The following PDZRN3 variants were observed in gnomAD, a reference collection of about 807,000 sequenced individuals.
The protein encoded by PDZRN3 is E3 ubiquitin-protein ligase PDZRN3.
A neutral mutation model predicts 85.7 loss-of-function variants in PDZRN3; 38 were observed. The observed-to-expected ratio is 0.44, with a 90% CI of 0.34 to 0.58. PDZRN3 has a LOEUF of 0.58. Among genes scored for constraint, PDZRN3 ranks in the 20% least tolerant of loss-of-function variants. The pLI is 0.01. For missense variants in PDZRN3, 1,629 were observed against 1,506.4 expected (o/e 1.08, Z -1.35); for synonymous variants, 759 against 638.0 (o/e 1.19, Z -2.86).
chr3:73,620,572 G>GT (rs1477092912), intron 1 of PDZRN3, among the ~76,000 whole-genome samples: 4 of 88,470 alleles, frequency 4.5e-5, no homozygotes, highest in East Asian at 4.2e-4. Context: ...GGCAGTCTGG[G>GT]TTTTTTTTGT....
At chr3:73,592,253 C>A (rs1012109821) in intron 3 of PDZRN3, among the ~76,000 whole-genome samples, 3 of 152,154 alleles carry the variant, frequency 2.0e-5, no homozygotes, top group African/African-American at 7.2e-5. Context: ...CAAAAAAAAC[C>A]TGTCTTTTTA....
intron 3 of PDZRN3, among the ~76,000 whole-genome samples, chr3:73,483,523 TTC>T (rs1360732721): frequency 2.6e-5 from 4 of 152,226 alleles, no homozygotes; most frequent in Non-Finnish European, 5.9e-5. Context: ...TTTCCTGCCA[TTC>T]TCTCTTTTCT....
intron 3 of PDZRN3, among the ~76,000 whole-genome samples, chr3:73,462,552 A>AT (rs1703128800): frequency 6.6e-6 from 1 of 151,230 alleles, no homozygotes; most frequent in Admixed American, 6.6e-5. Context: ...CAAAAAAAAA[A>AT]AAAAAAAAAA....
chr3:73,521,221 C>T (rs547418231), intron 3 of PDZRN3, among the ~76,000 whole-genome samples: 1 of 152,212 alleles, frequency 6.6e-6, no homozygotes, highest in African/African-American at 2.4e-5. Flanking sequence ...CCGTCAGCAC[C>T]CCTCCTCTGC....
At chr3:73,439,292 C>A (rs912863394) in intron 3 of PDZRN3, among the ~76,000 whole-genome samples, 3 of 152,206 alleles carry the variant, frequency 2.0e-5, no homozygotes, top group Admixed American at 6.5e-5. Context: ...CAGTAGTGAG[C>A]AGATGGACTA....
At chr3:73,478,324 A>G (rs571125777) in intron 3 of PDZRN3, among the ~76,000 whole-genome samples, 39 of 152,166 alleles carry the variant, frequency 2.6e-4, no homozygotes, top group African/African-American at 9.4e-4. Flanking sequence ...CTCCTGTCAG[A>G]TCAGCAGCGA....
intron 3 of PDZRN3, among the ~76,000 whole-genome samples, chr3:73,448,590 G>T (rs1486697928): frequency 6.6e-6 from 1 of 150,890 alleles, no homozygotes; most frequent in Non-Finnish European, 1.5e-5. Context: ...TCTCAATCTT[G>T]TTTTTTTTTC....
chr3:73,501,956 A>G (rs985751626), intron 3 of PDZRN3, among the ~76,000 whole-genome samples: 7 of 152,182 alleles, frequency 4.6e-5, no homozygotes, highest in Admixed American at 1.3e-4. Flanking sequence ...GCGGAGATGC[A>G]GTGAGCTGAG....
intron 3 of PDZRN3, among the ~76,000 whole-genome samples, chr3:73,540,635 C>T (rs1704898884): frequency 6.6e-6 from 1 of 152,202 alleles, no homozygotes; most frequent in Admixed American, 6.5e-5. Flanking sequence ...CAGCACTTCT[C>T]CTTCCTGCTA....
intron 3 of PDZRN3, among the ~76,000 whole-genome samples, chr3:73,471,011 C>G (rs1190723716): frequency 2.0e-5 from 3 of 152,146 alleles, no homozygotes; most frequent in African/African-American, 7.2e-5. Flanking sequence ...CCGACTGACT[C>G]AAAAGATATG....
intron 3 of PDZRN3, among the ~76,000 whole-genome samples, chr3:73,413,699 C>T (rs989288531): frequency 6.6e-5 from 10 of 152,118 alleles, no homozygotes; most frequent in African/African-American, 2.2e-4. Context: ...TCACCGGTGA[C>T]TGTAGGATGC....
At chr3:73,447,825 C>T (rs1702780987) in intron 3 of PDZRN3, among the ~76,000 whole-genome samples, 3 of 152,194 alleles carry the variant, frequency 2.0e-5, no homozygotes, top group Admixed American at 6.5e-5. Context: ...CCCTGTAACA[C>T]CTGACCCTGT....
chr3:73,386,161 A>G (rs571838335), intron 8 of PDZRN3, among the ~76,000 whole-genome samples: 16 of 146,408 alleles, frequency 1.1e-4, no homozygotes, highest in Admixed American at 2.0e-4. Context: ...TAGAAAAATG[A>G]TTTTCAGTGT....
At chr3:73,429,718 A>G (rs949224420) in intron 3 of PDZRN3, among the ~76,000 whole-genome samples, 2 of 152,238 alleles carry the variant, frequency 1.3e-5, no homozygotes, top group East Asian at 1.9e-4. Flanking sequence ...TTCAAGTGCC[A>G]TAAGAGGCAC....
At chr3:73,574,900 T>C (rs1433488328) in intron 3 of PDZRN3, among the ~76,000 whole-genome samples, 2 of 152,230 alleles carry the variant, frequency 1.3e-5, no homozygotes, top group Non-Finnish European at 2.9e-5. Flanking sequence ...TACAGCACAG[T>C]CCTATTGGAG....
chr3:73,528,763 A>T (rs1056387439), intron 3 of PDZRN3, among the ~76,000 whole-genome samples: 6 of 152,158 alleles, frequency 3.9e-5, no homozygotes, highest in Non-Finnish European at 8.8e-5. Flanking sequence ...ATATTGGTAA[A>T]GAATTTCTTG....
At chr3:73,617,435 CAAA>C (rs1448765368) in intron 1 of PDZRN3, among the ~76,000 whole-genome samples, 2 of 152,156 alleles carry the variant, frequency 1.3e-5, no homozygotes, top group Non-Finnish European at 2.9e-5. Context: ...CTTGGGTGAG[CAAA>C]GAATAGTAAG....
intron 3 of PDZRN3, among the ~76,000 whole-genome samples, chr3:73,443,479 C>T (rs201121441): frequency 0.045 from 2,182 of 48,080 alleles, 106 homozygotes; most frequent in African/African-American, 0.1. Flanking sequence ...TTTCCTTTTT[C>T]TTTTTTTTTT....
At chr3:73,390,896 A>T in intron 6 of PDZRN3, 122 bp downstream of exon 6, 1 of 671,276 alleles carries the variant, frequency 1.5e-6, no homozygotes. Context: ...GATGAGGGGG[A>T]CAGAATAATT....
Sources: allele counts gnomAD v4.1 joint callset (sites outside exome capture counted in the v4.1 genomes callset), GRCh38; gene constraint gnomAD v4.1.1; transcripts MANE v1.5; gene names NCBI Gene and HGNC (gene_info 2026-07-23, HGNC 2026-07-21).